CREM: variants seen among roughly 807,000 people sequenced by gnomAD.
CREM encodes the protein cAMP responsive element modulator.
A neutral mutation model predicts 37.3 loss-of-function variants in CREM; 13 were observed. That is an observed-to-expected ratio of 0.35 (90% CI 0.23 to 0.55). The LOEUF (loss-of-function observed/expected upper bound fraction) is 0.55, where lower values mean the gene tolerates loss of function less well. CREM is among the 20% of genes least tolerant of loss of function. The pLI is 0.88. For missense variants in CREM, 296 were observed against 362.3 expected (o/e 0.82, Z 1.49); for synonymous variants, 124 against 120.2 (o/e 1.03, Z -0.21).
chr10:35,128,767 C>A (rs1309978445), intron 1 of CREM, among the ~76,000 whole-genome samples: 1 of 152,070 alleles, frequency 6.6e-6, no homozygotes, highest in Non-Finnish European at 1.5e-5. Flanking sequence ...CCTCGTGATC[C>A]GCCCGCGTCG....
At position 35,211,487 on chromosome 10, in the gene CREM, C is replaced by A; in HGVS notation, c.*89C>A. 1 of 1,525,472 alleles carries A rather than the reference C, an allele frequency of 6.6e-7. No individual in the cohort carries two copies. Among genetic ancestry groups the A allele is most frequent in the African/African-American group, 1.4e-5 (1 of 72,432 alleles). 94.5% of individuals were successfully genotyped at this position (1,525,472 alleles called of 1,614,324 possible). A position where few individuals can be genotyped will look rare whatever the true frequency, so the allele number is the denominator to read the frequency against. ...GCCATGTGGACTTGTGGGAAGGACA[C>A]GTGTGACCCTTAAGAATCCAGTTTG... On this transcript the variant is annotated 3_prime_UTR_variant, in exon 8 of 8. Coordinates refer to ENST00000685392, the MANE Select transcript of CREM (RefSeq NM_183011.2).
chr10:35,141,137 A>G (rs1008182067), intron 2 of CREM, among the ~76,000 whole-genome samples: 1 of 152,114 alleles, frequency 6.6e-6, no homozygotes, highest in South Asian at 2.1e-4. Flanking sequence ...ATTTTTTGAG[A>G]CAGTCTCACT....
intron 3 of CREM, among the ~76,000 whole-genome samples, chr10:35,157,184 AATTC>A (rs1484237931): frequency 6.6e-6 from 1 of 152,214 alleles, no homozygotes; most frequent in Non-Finnish European, 1.5e-5. Flanking sequence ...ACATTTGAAA[AATTC>A]ATTATTTCCT....
intron 7 of CREM, chr10:35,209,229 T>C (rs2095609520): frequency 1.2e-6 from 1 of 820,704 alleles, no homozygotes; most frequent in Non-Finnish European, 1.5e-6. Flanking sequence ...TATTTTCTTT[T>C]TATTCTTTGA....
Position 35,169,806 on chromosome 10 carries a change from C to T in CREM, c.169-9083C>T, listed in dbSNP as rs1345916050. 2.6e-5 allele frequency among the ~76,000 whole-genome samples: 4 copies of T among 152,098 alleles called. No individual in the cohort carries two copies. In the East Asian group the frequency reaches 5.8e-4, roughly 22 times the overall value. ...TATTGAGAGTTTTTAGCATGAAGGG[C>T]TGTTGAATTTTGTCAAAGGCCTTTT... is the stretch of plus-strand genomic sequence containing the variant. On this transcript the variant is annotated intron_variant, in intron 3 of 7. Coordinates refer to ENST00000685392, the MANE Select transcript of CREM (RefSeq NM_183011.2).
At position 35,130,616 on chromosome 10, in the gene CREM, A is replaced by G. The variant is rs531798830; in HGVS notation, c.-55+3423A>G. On this transcript the variant is annotated intron_variant, in intron 1 of 7. Transcript: ENST00000685392. ...GTTATGTCCTAGCTGTCCTAATGTC[A>G]GAGGGCAGAGTATTACCTTTTCTAT... Among the ~76,000 whole-genome samples the G allele has an allele frequency of 2.0e-5, 3 of 152,362 alleles. No individual in the cohort carries two copies. The East Asian group carries it at 5.8e-4, about 29-fold the overall frequency.
At chr10:35,179,016 A>T in intron 4 of CREM, 30 bp downstream of exon 4, 2 of 1,571,862 alleles carry the variant, frequency 1.3e-6, no homozygotes, top group South Asian at 1.2e-5. Context: ...TAATGTAAAG[A>T]TACTTTTTCC....
intron 1 of CREM, among the ~76,000 whole-genome samples, chr10:35,133,794 CAACT>C (rs1419173322): frequency 6.6e-6 from 1 of 152,192 alleles, no homozygotes; most frequent in Non-Finnish European, 1.5e-5. Context: ...GTGACAAACA[CAACT>C]AACTCTTGGT....
chr10:35,165,510 A>G (rs1190132119), intron 3 of CREM, among the ~76,000 whole-genome samples: 3 of 152,170 alleles, frequency 2.0e-5, no homozygotes, highest in South Asian at 4.1e-4. Flanking sequence ...TTCCTGTTGC[A>G]TAAAAAGCCT....
At chr10:35,171,267 G>A (rs1334098190) in intron 3 of CREM, 2 of 147,324 alleles carry the variant, frequency 1.4e-5, no homozygotes, top group African/African-American at 5.0e-5. Context: ...GAACTCCTGG[G>A]TTCAAGAAAT....
chr10:35,149,773 A>G (rs1166684553), intron 3 of CREM, among the ~76,000 whole-genome samples: 2 of 151,878 alleles, frequency 1.3e-5, no homozygotes, highest in Admixed American at 6.6e-5. Flanking sequence ...AAAGCTGCCA[A>G]CACCCACTCG....
chr10:35,194,548 T>A (rs1422316908), intron 6 of CREM, among the ~76,000 whole-genome samples: 1 of 152,214 alleles, frequency 6.6e-6, no homozygotes, highest in African/African-American at 2.4e-5. Flanking sequence ...AGTGAATTTT[T>A]AAAATTTAAT....
chr10:35,188,452 G>A (rs2094750057), intron 6 of CREM, 64 bp downstream of exon 6: 1 of 1,384,164 alleles, frequency 7.2e-7, no homozygotes, highest in East Asian at 2.5e-5. Context: ...CCATTGAGTG[G>A]TGATTTTATA....
At chr10:35,148,343 G>T (rs759750755) in intron 2 of CREM, 25 bp from the exon 3 acceptor site, 1 of 1,598,910 alleles carries the variant, frequency 6.3e-7, no homozygotes, top group Admixed American at 1.8e-5. Context: ...GCCTTAATTT[G>T]TCTTCCTTTT....
intron 3 of CREM, chr10:35,175,579 AG>A: frequency 7.8e-7 from 1 of 1,282,320 alleles, no homozygotes; most frequent in Non-Finnish European, 1.1e-6. Context: ...TAACTGCTTT[AG>A]AACTTTGTGC....
At chr10:35,161,685 A>G (rs2093306607) in intron 3 of CREM, among the ~76,000 whole-genome samples, 1 of 151,850 alleles carries the variant, frequency 6.6e-6, no homozygotes, top group South Asian at 2.1e-4. Context: ...GCTCGACATC[A>G]TTAATCATCA....
intron 3 of CREM, chr10:35,152,313 C>T (rs1358056259): frequency 6.6e-6 from 1 of 152,200 alleles, no homozygotes; most frequent in Non-Finnish European, 1.5e-5. Flanking sequence ...CTATGAAAAT[C>T]ATCAGAGACC....
At chr10:35,159,219 A>G (rs2093136042) in intron 3 of CREM, among the ~76,000 whole-genome samples, 2 of 152,104 alleles carry the variant, frequency 1.3e-5, no homozygotes, top group Admixed American at 6.6e-5. Context: ...AACTTGTTAC[A>G]TCTTATTACT....
At chr10:35,169,270 T>G (rs1210503581) in intron 3 of CREM, among the ~76,000 whole-genome samples, 3 of 152,204 alleles carry the variant, frequency 2.0e-5, no homozygotes. Flanking sequence ...CTCTTTTATT[T>G]CATTGAGCAG....
Sources: allele counts gnomAD v4.1 joint callset (sites outside exome capture counted in the v4.1 genomes callset), GRCh38; gene constraint gnomAD v4.1.1; transcripts MANE v1.5; gene names NCBI Gene and HGNC (gene_info 2026-07-23, HGNC 2026-07-21).